Variants in LRRFIP2 observed in about 807,000 individuals in gnomAD.
LRRFIP2 encodes the protein LRR binding FLII interacting protein 2.
Under a neutral mutation model 125.9 loss-of-function variants are expected in LRRFIP2, and 109 were observed. The ratio of observed to expected loss-of-function variants is 0.87; its 90% CI spans 0.74 to 1.01. The LOEUF (loss-of-function observed/expected upper bound fraction) is 1.01, where lower values mean the gene tolerates loss of function less well. LRRFIP2 is among the 50% of genes least tolerant of loss of function. The probability of loss-of-function intolerance (pLI) is 0.00; values close to 1 mark genes in which losing one functional copy is unlikely to be tolerated. For missense variants in LRRFIP2, 850 were observed against 862.3 expected, an observed-to-expected ratio of 0.99 and a Z score of 0.18; for synonymous variants, 291 against 293.1, an observed-to-expected ratio of 0.99 and a Z score of 0.07.
At chr3:37,085,437 C>T (rs1456117545) in intron 18 of LRRFIP2, among the ~76,000 whole-genome samples, 1 of 151,326 alleles carries the variant, frequency 6.6e-6, no homozygotes, top group Non-Finnish European at 1.5e-5. Context: ...AGGAGAATTG[C>T]TTGAACCCAG....
chr3:37,174,914 T>A (rs992787117), upstream of LRRFIP2: 1 of 152,222 alleles, frequency 6.6e-6, no homozygotes, highest in Non-Finnish European at 1.5e-5. Flanking sequence ...CTGAAATTCT[T>A]ATTCTACATA....
At chr3:37,113,812 C>G (rs978370685) in intron 7 of LRRFIP2, among the ~76,000 whole-genome samples, 1 of 152,168 alleles carries the variant, frequency 6.6e-6, no homozygotes, top group Non-Finnish European at 1.5e-5. Context: ...GATTGCCCAG[C>G]ATACCATAAA....
At chr3:37,171,906 C>A (rs1290904687) in intron 1 of LRRFIP2, among the ~76,000 whole-genome samples, 1 of 152,146 alleles carries the variant, frequency 6.6e-6, no homozygotes, top group East Asian at 1.9e-4. Flanking sequence ...TATGACAGTA[C>A]CAGTCTTCAA....
intron 1 of LRRFIP2, among the ~76,000 whole-genome samples, chr3:37,152,233 C>G (rs1577614636): frequency 6.6e-6 from 1 of 152,030 alleles, no homozygotes; most frequent in Non-Finnish European, 1.5e-5. Flanking sequence ...TAATTGGGAG[C>G]TAAAATATAC....
chr3:37,105,530 A>C lies in LRRFIP2; in HGVS notation c.715-7T>G. ...CAGTGTCATCGTTGGTAAACTATAG[A>C]TATTAAATGCAGATAATGAAAAAGA... On this transcript the variant is annotated splice_region_variant and splice_polypyrimidine_tract_variant and intron_variant, in intron 13 of 27. Coordinates refer to ENST00000336686, the MANE Select transcript of LRRFIP2 (RefSeq NM_006309.4). 1 of 1,609,862 alleles carries C rather than the reference A, an allele frequency of 6.2e-7. No individual in the cohort carries two copies. Among genetic ancestry groups the C allele is most frequent in the Non-Finnish European group, 8.5e-7 (1 of 1,176,258 alleles).
intron 2 of LRRFIP2, among the ~76,000 whole-genome samples, chr3:37,142,146 T>C (rs1295790153): frequency 6.7e-6 from 1 of 148,328 alleles, no homozygotes; most frequent in East Asian, 1.9e-4. Flanking sequence ...ACATTTTTCC[T>C]ACTTTTTTTT....
intron 1 of LRRFIP2, among the ~76,000 whole-genome samples, chr3:37,167,672 G>A (rs1165000185): frequency 1.4e-5 from 2 of 141,770 alleles, no homozygotes; most frequent in African/African-American, 2.6e-5. Flanking sequence ...AAAAAAGAAA[G>A]AAAGAAAAAA....
At chr3:37,124,416 T>C (rs1231254485) in intron 4 of LRRFIP2, among the ~76,000 whole-genome samples, 3 of 152,186 alleles carry the variant, frequency 2.0e-5, no homozygotes, top group Non-Finnish European at 4.4e-5. Context: ...CACTCTCATA[T>C]AGAAAGGCAA....
At chr3:37,064,740 T>C (rs1421050255) in intron 23 of LRRFIP2, 1 of 152,246 alleles carries the variant, frequency 6.6e-6, no homozygotes, top group African/African-American at 2.4e-5. Flanking sequence ...CATGGTTCAC[T>C]TAAAAAAGCA....
At chr3:37,160,735 C>T (rs931848037) in intron 1 of LRRFIP2, among the ~76,000 whole-genome samples, 2 of 151,086 alleles carry the variant, frequency 1.3e-5, no homozygotes, top group African/African-American at 2.4e-5. Context: ...GCCGAGATCA[C>T]GCCATTGCAC....
Position 37,054,433 on chromosome 3 carries a change from T to C in LRRFIP2, c.2033A>G (p.Glu678Gly). The change falls in exon 27 of 28, where the codon GAA becomes GGA. Residue 678 changes from glutamate (E) to glycine (G), a missense_variant. Physicochemically the swap from Glu to Gly is moderately conservative, Grantham distance 98. Coordinates refer to ENST00000336686, the MANE Select transcript of LRRFIP2 (RefSeq NM_006309.4). ...AEKVEDELKAEKRKLQRELRT... is the reference protein window; with the variant it reads ...AEKVEDELKAGKRKLQRELRT... ...TACCTCTCGTTGTAGCTTCCGTTTT[T>C]CTGCTTTCAATTCATCTTCAACTTT... is the stretch of plus-strand genomic sequence containing the variant. 5 of 1,613,896 alleles carry C rather than the reference T, an allele frequency of 3.1e-6. No individual in the cohort carries two copies. Among genetic ancestry groups the C allele is most frequent in the Non-Finnish European group, 4.2e-6 (5 of 1,179,870 alleles).
rs1335061635 is a variant in LRRFIP2 at position 37,154,145 on chromosome 3, C to T, written c.-55-5107G>A. Among the ~76,000 whole-genome samples the T allele has an allele frequency of 1.6e-4, 25 of 152,136 alleles. No individual in the cohort carries two copies. The East Asian group carries it at 3.9e-3, about 23-fold the overall frequency. On this transcript the variant is annotated intron_variant, in intron 1 of 27. Coordinates refer to ENST00000336686, the MANE Select transcript of LRRFIP2 (RefSeq NM_006309.4). ...GAGCCGTGATAATACCACTGCACTC[C>T]AGCCTGGGTGACAGAGGGAGACCCT... is the stretch of plus-strand genomic sequence containing the variant.
At chr3:37,076,681 A>G (rs1411234721) in intron 19 of LRRFIP2, among the ~76,000 whole-genome samples, 2 of 152,154 alleles carry the variant, frequency 1.3e-5, no homozygotes, top group Non-Finnish European at 2.9e-5. Context: ...AGCCTGACCA[A>G]CATAGAGAAA....
At chr3:37,139,875 C>T (rs546227138) in intron 2 of LRRFIP2, among the ~76,000 whole-genome samples, 3 of 152,208 alleles carry the variant, frequency 2.0e-5, no homozygotes, top group South Asian at 4.1e-4. Context: ...CTCACACCTC[C>T]CTCTTCACTT....
intron 20 of LRRFIP2, 135 bp downstream of exon 20, chr3:37,074,889 A>G: frequency 1.7e-6 from 1 of 582,764 alleles, no homozygotes; most frequent in Non-Finnish European, 3.0e-6. Context: ...TTATGTTTGA[A>G]AATTTGTAGT....
At chr3:37,085,645 G>A (rs575280870) in intron 18 of LRRFIP2, among the ~76,000 whole-genome samples, 7 of 149,646 alleles carry the variant, frequency 4.7e-5, no homozygotes, top group South Asian at 2.1e-4. Flanking sequence ...GCAATGGCGC[G>A]ATCTTGGCTC....
Position 37,125,936 on chromosome 3 carries a change from T to C in LRRFIP2, c.228+1694A>G, listed in dbSNP as rs572607434. Among the ~76,000 whole-genome samples, 33 of 152,342 alleles carry C rather than the reference T, an allele frequency of 2.2e-4. No individual in the cohort carries two copies. The South Asian group carries it at 6.6e-3, about 31-fold the overall frequency. ...AGATAAATGAGCAGAAGAATCAGTT[T>C]AATTTTTTTCTTTTTTTCTTTTTCT... is the stretch of plus-strand genomic sequence containing the variant. On this transcript the variant is annotated intron_variant, in intron 4 of 27. Coordinates refer to ENST00000336686, the MANE Select transcript of LRRFIP2 (RefSeq NM_006309.4).
At chr3:37,085,826 C>A (rs1439939160) in intron 18 of LRRFIP2, among the ~76,000 whole-genome samples, 2 of 152,076 alleles carry the variant, frequency 1.3e-5, no homozygotes, top group Non-Finnish European at 2.9e-5. Flanking sequence ...TCATGATCTG[C>A]CCACCTCCGC....
At position 37,121,497 on chromosome 3, in the gene LRRFIP2, G is replaced by A. The variant is rs1291501974; in HGVS notation, c.325C>T (p.His109Tyr). Residue 109 changes from histidine (H) to tyrosine (Y), a missense_variant, in exon 6 of 28, where the codon CAC becomes TAC. By Grantham distance (83) the His-to-Tyr change is moderately conservative. Coordinates refer to ENST00000336686, the MANE Select transcript of LRRFIP2 (RefSeq NM_006309.4). ...DALSIRSVGSHRYDMFKDRSS... is the reference protein window; with the variant it reads ...DALSIRSVGSYRYDMFKDRSS... ...AGACAAGTTAAAATACCAACCCTGT[G>A]ACTGCCAACACTTCGAATGGACAAT... 1.2e-6 allele frequency: 2 copies of A among 1,613,724 alleles called. No individual in the cohort carries two copies. Among genetic ancestry groups the A allele is most frequent in the African/African-American group, 1.3e-5 (1 of 74,910 alleles).
Sources: allele counts gnomAD v4.1 joint callset (sites outside exome capture counted in the v4.1 genomes callset), GRCh38; gene constraint gnomAD v4.1.1; transcripts MANE v1.5; gene names NCBI Gene and HGNC (gene_info 2026-07-23, HGNC 2026-07-21).